Variants in PHKA1 observed in about 807,000 individuals in gnomAD.
PHKA1 encodes the protein phosphorylase b kinase regulatory subunit alpha, skeletal muscle isoform.
PHKA1 carries 60 observed loss-of-function variants against 110.2 expected under a neutral mutation model. That is an observed-to-expected ratio of 0.54 (90% CI 0.44 to 0.68). PHKA1 has a LOEUF of 0.68. PHKA1 is among the 30% of genes least tolerant of loss of function. The probability of loss-of-function intolerance (pLI) is 0.00; values close to 1 mark genes in which losing one functional copy is unlikely to be tolerated. For missense variants in PHKA1, 801 were observed against 942.5 expected (o/e 0.85, Z 1.97); for synonymous variants, 316 against 333.6 (o/e 0.95, Z 0.58).
chrX:72,671,248 G>C (rs1448027178), intron 6 of PHKA1, among the ~76,000 whole-genome samples: 37 of 111,568 alleles, frequency 3.3e-4, no homozygotes, highest in Admixed American at 1.7e-3. Context: ...TCTCAGGATA[G>C]AAAATCAATG....
chrX:72,662,161 C>T (rs1234390253), intron 8 of PHKA1, among the ~76,000 whole-genome samples: 4 of 112,340 alleles, frequency 3.6e-5, no homozygotes, highest in Non-Finnish European at 7.5e-5. Context: ...AGAATTCACA[C>T]AACTATATTA....
intron 5 of PHKA1, among the ~76,000 whole-genome samples, chrX:72,678,300 A>T (rs782314361): frequency 2.0e-4 from 22 of 111,575 alleles, no homozygotes; most frequent in African/African-American, 5.2e-4. Flanking sequence ...GGAAACAGAC[A>T]TGTGCAAATG....
rs781831011 is a variant in PHKA1 at position 72,657,644 on chromosome X, G to C, written c.865-3C>G. ...AAGCGACAGCAACCATAACGACCCT[G>C]GGAATACAAAGAAAAAAGGTCAGCA... On this transcript the variant is annotated splice_polypyrimidine_tract_variant and splice_region_variant and intron_variant, in intron 8 of 31. Coordinates refer to ENST00000373542, the MANE Select transcript of PHKA1 (RefSeq NM_002637.4). 1.7e-6 allele frequency: 2 copies of C among 1,203,991 alleles called. No homozygotes were observed. Among genetic ancestry groups the C allele is most frequent in the Admixed American group, 4.4e-5 (2 of 45,966 alleles).
intron 4 of PHKA1, among the ~76,000 whole-genome samples, chrX:72,694,342 C>T (rs1461167595): frequency 1.8e-5 from 2 of 112,191 alleles, no homozygotes; most frequent in Non-Finnish European, 3.8e-5. Flanking sequence ...AGTGAATCAT[C>T]TGAAACTTCC....
chrX:72,681,236 G>T (rs1429912969), intron 5 of PHKA1, among the ~76,000 whole-genome samples: 1 of 100,153 alleles, frequency 1.0e-5, no homozygotes, highest in African/African-American at 3.6e-5. Context: ...GGGAGGTGAG[G>T]AGCGTCTCTG....
intron 4 of PHKA1, 122 bp from the exon 5 acceptor site, chrX:72,684,702 G>A (rs1205433380): frequency 6.4e-5 from 32 of 500,903 alleles, no homozygotes; most frequent in Admixed American, 1.2e-4. Context: ...TAGGAACAAT[G>A]GAAGGCACTT....
At chrX:72,599,776 C>T in intron 28 of PHKA1, 1 of 516,098 alleles carries the variant, frequency 1.9e-6, no homozygotes, top group Non-Finnish European at 3.5e-6. Context: ...ATATTCAAAG[C>T]ACATGTGAAT....
chrX:72,681,736 C>CT (rs2053881142), intron 5 of PHKA1, among the ~76,000 whole-genome samples: 1 of 67,090 alleles, frequency 1.5e-5, no homozygotes, highest in African/African-American at 6.1e-5. Flanking sequence ...GTCAGCCCTC[C>CT]GCCCGGCCAG....
At chrX:72,663,079 A>G (rs1306637764) in intron 8 of PHKA1, among the ~76,000 whole-genome samples, 1 of 111,432 alleles carries the variant, frequency 9.0e-6, no homozygotes, top group African/African-American at 3.3e-5. Context: ...GAAATGTTAT[A>G]AAAGAAACTC....
chrX:72,594,151 A>C (rs2052560350), intron 28 of PHKA1, among the ~76,000 whole-genome samples: 1 of 111,230 alleles, frequency 9.0e-6, no homozygotes, highest in African/African-American at 3.3e-5. Flanking sequence ...ATGCAGCTAA[A>C]ACAGCACTTA....
At chrX:72,631,528 C>T (rs73218378) in intron 16 of PHKA1, among the ~76,000 whole-genome samples, 1 of 111,527 alleles carries the variant, frequency 9.0e-6, no homozygotes, top group Non-Finnish European at 1.9e-5. Context: ...AGTTTTCTGT[C>T]TCTCTAGGTT....
intron 6 of PHKA1, among the ~76,000 whole-genome samples, chrX:72,673,609 T>C (rs1172894309): frequency 6.3e-5 from 7 of 110,789 alleles, no homozygotes; most frequent in Non-Finnish European, 1.3e-4. Flanking sequence ...TGTAATAACA[T>C]GTTCTCAATA....
intron 8 of PHKA1, among the ~76,000 whole-genome samples, chrX:72,660,966 A>G (rs1438893792): frequency 6.2e-5 from 7 of 112,393 alleles, no homozygotes; most frequent in Non-Finnish European, 1.3e-4. Flanking sequence ...AACTTGCACC[A>G]CTAAGAAAAA....
chrX:72,662,496 G>A (rs1208330427), intron 8 of PHKA1, among the ~76,000 whole-genome samples: 2 of 112,184 alleles, frequency 1.8e-5, no homozygotes, highest in African/African-American at 3.2e-5. Flanking sequence ...CCTGGGCAGA[G>A]AAACAGCCCA....
At chrX:72,583,839 T>C (rs1223163222) in intron 30 of PHKA1, among the ~76,000 whole-genome samples, 1 of 112,035 alleles carries the variant, frequency 8.9e-6, no homozygotes, top group Non-Finnish European at 1.9e-5. Context: ...AAATTGGAAA[T>C]TGGAACCCGG....
chrX:72,682,286 T>TG (rs1250664551), intron 5 of PHKA1, among the ~76,000 whole-genome samples: 34 of 47,773 alleles, frequency 7.1e-4, no homozygotes, highest in South Asian at 1.3e-3. Context: ...GGGAGGGAGG[T>TG]GGGGGGGGTC....
intron 17 of PHKA1, among the ~76,000 whole-genome samples, chrX:72,626,628 T>C (rs1214268283): frequency 9.0e-6 from 1 of 111,653 alleles, no homozygotes; most frequent in Non-Finnish European, 1.9e-5. Context: ...GAACCTTATA[T>C]ATATACTGTG....
chrX:72,632,368 G>A (rs782732994), intron 16 of PHKA1, among the ~76,000 whole-genome samples: 2 of 111,316 alleles, frequency 1.8e-5, no homozygotes, highest in African/African-American at 6.5e-5. Context: ...TTTTATATAT[G>A]TTATATCATG....
chrX:72,674,413 A>G (rs898520948), intron 6 of PHKA1, among the ~76,000 whole-genome samples: 1 of 111,175 alleles, frequency 9.0e-6, no homozygotes, highest in African/African-American at 3.3e-5. Context: ...ACTAGTTTAC[A>G]GTCCCACCAA....
Sources: gnomAD v4.1 joint callset for allele counts (sites outside exome capture counted in the v4.1 genomes callset) on GRCh38, gnomAD v4.1.1 for gene constraint, MANE v1.5 for transcripts, NCBI Gene and HGNC (gene_info 2026-07-23, HGNC 2026-07-21) for gene names.